SCLT1: variants seen among roughly 807,000 people sequenced by gnomAD.
The protein encoded by SCLT1 is sodium channel-associated protein 1.
Under a neutral mutation model 112.8 loss-of-function variants are expected in SCLT1, and 78 were observed. That is an observed-to-expected ratio of 0.69 (90% CI 0.58 to 0.83). The LOEUF (loss-of-function observed/expected upper bound fraction) is 0.83. Among genes scored for constraint, SCLT1 ranks in the 40% least tolerant of loss-of-function variants. SCLT1 has a pLI of 0.00. For missense variants in SCLT1, 747 were observed against 770.4 expected (o/e 0.97, Z 0.36); for synonymous variants, 257 against 254.7 (o/e 1.01, Z -0.09).
chr4:129,043,667 G>A (rs528117821), intron 3 of SCLT1, among the ~76,000 whole-genome samples, 200 bp from the exon 4 acceptor site: 3 of 152,262 alleles, frequency 2.0e-5, no homozygotes, highest in Admixed American at 2.0e-4. Flanking sequence ...GTTGTGGGAT[G>A]GCTAGACTGT....
intron 18 of SCLT1, among the ~76,000 whole-genome samples, chr4:128,925,617 T>A (rs192032143): frequency 3.6e-4 from 55 of 152,234 alleles, no homozygotes; most frequent in Admixed American, 1.0e-3. Flanking sequence ...AGCCACGGTG[T>A]CTGGCCCATT....
At position 129,017,561 on chromosome 4, in the gene SCLT1, ATC is replaced by A. The variant is rs201007894; in HGVS notation, c.291-13687_291-13686del. On this transcript the variant is annotated intron_variant, in intron 5 of 20. Coordinates refer to ENST00000281142, the MANE Select transcript of SCLT1 (RefSeq NM_144643.4). ...CATTATTTTTTATGTATGGTTAAAC[ATC>A]TTGAAAATTAAATATCAACAATTCA... 4.8e-3 allele frequency among the ~76,000 whole-genome samples: 729 copies of A among 152,316 alleles called. 4 individuals carry two copies. Among genetic ancestry groups the A allele is most frequent in the African/African-American group, 0.016 (662 of 41,576 alleles).
chr4:129,026,366 C>A (rs1746078643), intron 5 of SCLT1, among the ~76,000 whole-genome samples: 1 of 152,028 alleles, frequency 6.6e-6, no homozygotes. Flanking sequence ...GACCACAGTG[C>A]AATCAAACTA....
At chr4:128,937,000 C>T (rs1481349567) in intron 17 of SCLT1, 149 bp from the exon 18 acceptor site, 3 of 443,610 alleles carry the variant, frequency 6.8e-6, no homozygotes, top group Non-Finnish European at 1.2e-5. Flanking sequence ...CAAGTTTGGT[C>T]AGGTGCGGTG....
chr4:128,894,596 TC>T (rs1268694516), intron 18 of SCLT1, among the ~76,000 whole-genome samples: 1 of 152,188 alleles, frequency 6.6e-6, no homozygotes, highest in Non-Finnish European at 1.5e-5. Context: ...CTACTTCTCA[TC>T]CTGCTCCTCA....
chr4:129,069,596 A>G (rs1750801769), intron 2 of SCLT1, among the ~76,000 whole-genome samples: 1 of 152,170 alleles, frequency 6.6e-6, no homozygotes. Context: ...ATTTGTGCAC[A>G]TTAATCTTGT....
At chr4:129,036,873 C>T (rs1747224410) in intron 5 of SCLT1, 1 of 151,568 alleles carries the variant, frequency 6.6e-6, no homozygotes, top group South Asian at 2.1e-4. Flanking sequence ...AAAAGAATGT[C>T]AAACTTTAAA....
intron 16 of SCLT1, 134 bp downstream of exon 16, chr4:128,945,873 A>G (rs2125993042): frequency 2.0e-6 from 1 of 508,842 alleles, no homozygotes; most frequent in Admixed American, 3.7e-5. Context: ...ATAAAATTAT[A>G]TTTGGTCCTA....
rs2125719089 is a variant in SCLT1, at chr4:129,055,263, G to C, written c.103-11212C>G. ...GGGGGTTAGGGACTCACTGGAGGAGGCACTCAGTCCCTTAACAGAGCTCTA... is the reference window on the plus strand; with the variant it reads ...GGGGGTTAGGGACTCACTGGAGGAGCCACTCAGTCCCTTAACAGAGCTCTA... On this transcript the variant is annotated intron_variant, in intron 2 of 20. Transcript: ENST00000281142. 2.0e-5 allele frequency among the ~76,000 whole-genome samples: 3 copies of C among 152,292 alleles called. No individual in the cohort carries two copies. The South Asian group carries it at 6.2e-4, about 32-fold the overall frequency.
At chr4:129,038,331 T>C (rs909887399) in intron 5 of SCLT1, among the ~76,000 whole-genome samples, 14 of 152,146 alleles carry the variant, frequency 9.2e-5, no homozygotes, top group Non-Finnish European at 1.5e-4. Flanking sequence ...TAAGTTGATA[T>C]TATATTGCAA....
intron 13 of SCLT1, among the ~76,000 whole-genome samples, chr4:128,954,572 C>G (rs1739064838): frequency 6.6e-6 from 1 of 152,146 alleles, no homozygotes; most frequent in Admixed American, 6.5e-5. Context: ...CTCGGCCTCC[C>G]AAAGTGCTGG....
At chr4:129,040,890 A>T (rs1009325660) in intron 4 of SCLT1, among the ~76,000 whole-genome samples, 9 of 152,114 alleles carry the variant, frequency 5.9e-5, no homozygotes, top group Admixed American at 2.0e-4. Flanking sequence ...ATCATCAAAG[A>T]CTCAGGCTTT....
At chr4:128,989,117 A>C (rs117992655) in intron 9 of SCLT1, among the ~76,000 whole-genome samples, 8 of 151,926 alleles carry the variant, frequency 5.3e-5, no homozygotes, top group Admixed American at 5.2e-4. Flanking sequence ...TTTGTACTAT[A>C]GACTACATTG....
chr4:129,023,686 G>T (rs559242911), intron 5 of SCLT1, among the ~76,000 whole-genome samples: 1 of 152,274 alleles, frequency 6.6e-6, no homozygotes, highest in Admixed American at 6.5e-5. Context: ...GACAGTGGGT[G>T]CAGGACAGTG....
intron 3 of SCLT1, among the ~76,000 whole-genome samples, chr4:128,878,719 C>T (rs1249625712): frequency 6.6e-6 from 1 of 152,116 alleles, no homozygotes; most frequent in Non-Finnish European, 1.5e-5. Context: ...TGTCATCACT[C>T]ATTGAAGAAA....
chr4:129,005,068 T>C (rs1743872005), intron 5 of SCLT1, among the ~76,000 whole-genome samples: 1 of 152,074 alleles, frequency 6.6e-6, no homozygotes, highest in Admixed American at 6.6e-5. Flanking sequence ...TTCTGTAATA[T>C]ATTTTCTAGC....
Position 128,900,421 on chromosome 4 carries a change from T to C in SCLT1, c.1830-9284A>G, listed in dbSNP as rs558899035. 1.4e-3 allele frequency among the ~76,000 whole-genome samples: 219 copies of C among 152,166 alleles called. 1 individual carries two copies. The highest frequency in any genetic ancestry group is 5.0e-3 in the African/African-American group (207 of 41,512). ...TGACAAACCTGAGAAAAACAAGCAA[T>C]GGGGAAAGGATTCCCTATTTAATAA... On this transcript the variant is annotated intron_variant, in intron 18 of 20. Transcript: ENST00000281142.
intron 8 of SCLT1, among the ~76,000 whole-genome samples, chr4:128,996,128 G>A (rs920103481): frequency 2.4e-4 from 37 of 151,978 alleles, no homozygotes; most frequent in African/African-American, 8.5e-4. Flanking sequence ...CACATGGCAC[G>A]GCACTGGGGA....
intron 9 of SCLT1, among the ~76,000 whole-genome samples, chr4:128,981,410 G>A (rs543070135): frequency 1.3e-5 from 2 of 152,254 alleles, no homozygotes; most frequent in South Asian, 4.2e-4. Flanking sequence ...TCTGGAGGTC[G>A]TAAGATTTGC....
Sources: gnomAD v4.1 joint callset for allele counts (sites outside exome capture counted in the v4.1 genomes callset) on GRCh38, gnomAD v4.1.1 for gene constraint, MANE v1.5 for transcripts, NCBI Gene and HGNC (gene_info 2026-07-23, HGNC 2026-07-21) for gene names.